SNX30: variants seen among roughly 807,000 people sequenced by gnomAD.
SNX30 encodes sorting nexin-30.
SNX30 carries 24 observed loss-of-function variants against 46.4 expected under a neutral mutation model. The observed-to-expected ratio is 0.52, with a 90% CI of 0.37 to 0.73. The LOEUF (loss-of-function observed/expected upper bound fraction) is 0.73. SNX30 is among the 30% of genes least tolerant of loss of function. The pLI is 0.00. For missense variants in SNX30, 533 were observed against 555.7 expected (o/e 0.96, Z 0.41); for synonymous variants, 189 against 211.5 (o/e 0.89, Z 0.92).
intron 1 of SNX30, among the ~76,000 whole-genome samples, chr9:112,793,850 G>A (rs942130562): frequency 6.6e-6 from 1 of 150,448 alleles, no homozygotes; most frequent in African/African-American, 2.4e-5. Context: ...AGTATCTGGA[G>A]GGTGGAAAAA....
At chr9:112,822,228 G>A (rs1840509654) in intron 3 of SNX30, among the ~76,000 whole-genome samples, 1 of 152,152 alleles carries the variant, frequency 6.6e-6, no homozygotes, top group Admixed American at 6.6e-5. Context: ...GTAACCATAT[G>A]TTCTTAAAAT....
intron 8 of SNX30, among the ~76,000 whole-genome samples, chr9:112,865,616 T>C (rs1841312309): frequency 8.2e-6 from 1 of 121,416 alleles, no homozygotes. Flanking sequence ...TTTTTGATCC[T>C]GTCACGCCAT....
At chr9:112,774,515 A>G (rs1839707139) in intron 1 of SNX30, among the ~76,000 whole-genome samples, 1 of 152,204 alleles carries the variant, frequency 6.6e-6, no homozygotes, top group South Asian at 2.1e-4. Flanking sequence ...TTCATGTGCA[A>G]GTCTTTGGTT....
intron 2 of SNX30, among the ~76,000 whole-genome samples, chr9:112,806,727 C>T (rs1051630547): frequency 6.6e-6 from 1 of 152,114 alleles, no homozygotes; most frequent in Non-Finnish European, 1.5e-5. Context: ...CTCCCTCAGC[C>T]CTTCTTACTT....
intron 3 of SNX30, among the ~76,000 whole-genome samples, chr9:112,824,362 G>A (rs1350007830): frequency 1.3e-5 from 2 of 152,036 alleles, no homozygotes; most frequent in East Asian, 1.9e-4. Flanking sequence ...ACATATATAT[G>A]TGTATATTCA....
At chr9:112,843,711 T>C (rs1840894421) in intron 6 of SNX30, among the ~76,000 whole-genome samples, 1 of 139,274 alleles carries the variant, frequency 7.2e-6, no homozygotes, top group African/African-American at 2.6e-5. Flanking sequence ...CACTTCCCGC[T>C]TCAAGCGATT....
chr9:112,779,200 G>T (rs1447166309), intron 1 of SNX30, among the ~76,000 whole-genome samples: 1 of 152,238 alleles, frequency 6.6e-6, no homozygotes, highest in African/African-American at 2.4e-5. Context: ...GGTCCTGTAT[G>T]CAATGTATTA....
chr9:112,788,939 G>T lies in SNX30; in HGVS notation c.157-15837G>T, dbSNP rs376976525. Among the ~76,000 whole-genome samples, 29 of 152,254 alleles carry T rather than the reference G, an allele frequency of 1.9e-4. No homozygotes were observed. The South Asian group carries it at 4.6e-3, about 24-fold the overall frequency. On this transcript the variant is annotated intron_variant, in intron 1 of 8. Coordinates refer to ENST00000374232, the MANE Select transcript of SNX30 (RefSeq NM_001012994.2). The stretch of plus-strand genomic sequence containing the variant: ...GCCTCCCCAGTAGATGGGACCACAG[G>T]CATGCGCCACCACGCCCAGCTAATT...
chr9:112,766,635 C>A (rs1051787238), intron 1 of SNX30, among the ~76,000 whole-genome samples: 4 of 152,162 alleles, frequency 2.6e-5, no homozygotes, highest in African/African-American at 7.2e-5. Context: ...CTTCCCCAGC[C>A]CTAGGTCACT....
At chr9:112,849,525 G>A (rs1335290988) in intron 6 of SNX30, among the ~76,000 whole-genome samples, 1 of 152,246 alleles carries the variant, frequency 6.6e-6, no homozygotes, top group African/African-American at 2.4e-5. Context: ...ATGAATGAGT[G>A]TGGGGAGGGA....
intron 2 of SNX30, among the ~76,000 whole-genome samples, chr9:112,807,593 A>T (rs1469139644): frequency 6.6e-6 from 1 of 152,184 alleles, no homozygotes; most frequent in Non-Finnish European, 1.5e-5. Context: ...TTTACCCTGT[A>T]GTCAGTGAAA....
intron 8 of SNX30, among the ~76,000 whole-genome samples, chr9:112,864,877 T>C (rs1336410014): frequency 6.6e-6 from 1 of 152,096 alleles, no homozygotes; most frequent in African/African-American, 2.4e-5. Flanking sequence ...AAAATATTGA[T>C]TTTAAATACG....
At chr9:112,884,053 A>G (rs1173697900), downstream of SNX30, among the ~76,000 whole-genome samples, 4 of 152,328 alleles carry the variant, frequency 2.6e-5, no homozygotes, top group East Asian at 7.7e-4. Flanking sequence ...GGAGGGCATG[A>G]GGGGAGAGGG....
chr9:112,789,446 C>G (rs1190071994), intron 1 of SNX30, among the ~76,000 whole-genome samples: 4 of 152,162 alleles, frequency 2.6e-5, no homozygotes, highest in African/African-American at 4.8e-5. Context: ...TGCATTGCAT[C>G]AGAGTTAGAG....
intron 2 of SNX30, among the ~76,000 whole-genome samples, chr9:112,817,401 C>CTTTTTTTTGTTTTTTTTTTTTTT (rs1840414791): frequency 2.1e-5 from 1 of 46,832 alleles, no homozygotes. Flanking sequence ...AAAAAACTGG[C>CTTTTTTTTGTTTTTTTTTTTTTT]TTTTTTTTTT....
Position 112,865,661 on chromosome 9 carries a change from ATG to A in SNX30, c.1254+1264_1254+1265del, listed in dbSNP as rs1277699270. ...TATATATATATATATATATATATAT[ATG>A]TATGTATGTATGCACACACACACAC... On this transcript the variant is annotated intron_variant, in intron 8 of 8. Transcript: ENST00000374232. 1.7e-3 allele frequency among the ~76,000 whole-genome samples: 178 copies of A among 105,626 alleles called. 3 individuals carry two copies. Among genetic ancestry groups the A allele is most frequent in the South Asian group, 9.0e-3 (26 of 2,900 alleles). 69.3% of individuals were successfully genotyped at this position (105,626 alleles called of 152,430 possible).
chr9:112,761,579 A>T (rs1358717544), intron 1 of SNX30, among the ~76,000 whole-genome samples: 1 of 152,190 alleles, frequency 6.6e-6, no homozygotes, highest in Non-Finnish European at 1.5e-5. Flanking sequence ...TTGTTGCCTG[A>T]CAAGAGAAAG....
downstream of SNX30, among the ~76,000 whole-genome samples, chr9:112,876,275 C>T (rs1841516953): frequency 6.6e-6 from 1 of 151,846 alleles, no homozygotes; most frequent in Non-Finnish European, 1.5e-5. Flanking sequence ...AGATTGCCAG[C>T]CTGGGATTTG....
chr9:112,775,542 T>TGTGTG (rs1839731128), intron 1 of SNX30, among the ~76,000 whole-genome samples: 23 of 131,412 alleles, frequency 1.8e-4, no homozygotes, highest in Admixed American at 1.3e-3. Flanking sequence ...TATTTTAAAT[T>TGTGTG]TGTGTGTGTG....
Sources: allele counts gnomAD v4.1 joint callset (sites outside exome capture counted in the v4.1 genomes callset), GRCh38; gene constraint gnomAD v4.1.1; transcripts MANE v1.5; gene names NCBI Gene and HGNC (gene_info 2026-07-23, HGNC 2026-07-21).